Variants in TARBP1 observed in about 807,000 individuals in gnomAD.
TARBP1 encodes tRNA (guanosine(18)-2'-O)-methyltransferase TARBP1.
In TARBP1, 144 loss-of-function variants were observed where a neutral mutation model predicts 178.6. The observed-to-expected ratio is 0.81, with a 90% CI of 0.70 to 0.93. The LOEUF (loss-of-function observed/expected upper bound fraction) is 0.93, where lower values mean the gene tolerates loss of function less well. TARBP1 is among the 40% of genes least tolerant of loss of function. The pLI is 0.00. For synonymous variants in TARBP1, 787 were observed against 781.0 expected (o/e 1.01, Z -0.13); for missense variants, 2,067 against 2,011.7 (o/e 1.03, Z -0.53).
At chr1:234,444,623 A>G (rs1485913580) in intron 12 of TARBP1, among the ~76,000 whole-genome samples, 2 of 152,046 alleles carry the variant, frequency 1.3e-5, no homozygotes, top group African/African-American at 2.4e-5. Context: ...TCTTTCCCAG[A>G]CAGATGCTTA....
intron 24 of TARBP1, among the ~76,000 whole-genome samples, chr1:234,404,721 G>A (rs575632625): frequency 3.9e-5 from 6 of 152,204 alleles, no homozygotes; most frequent in South Asian, 2.1e-4. Flanking sequence ...ATCCATTCCC[G>A]CCTCTGCTCT....
At position 234,425,702 on chromosome 1, in the gene TARBP1, C is replaced by T. The variant is rs1238506923; in HGVS notation, c.3415G>A (p.Glu1139Lys). ...GSNMSHKLFI[E>K]DLAIKLLDKD... is the part of the protein sequence containing the mutation. The stretch of plus-strand genomic sequence containing the variant: ...TCTAATAGCTTGATTGCAAGATCCT[C>T]AATAAACAACTTGTGGGACATATTG... The change falls in exon 20 of 30, where the codon GAG becomes AAG. Residue 1139 changes from glutamate (E) to lysine (K), a missense_variant. Coordinates refer to ENST00000040877, the MANE Select transcript of TARBP1 (RefSeq NM_005646.4). 6.2e-7 allele frequency: 1 copy of T among 1,611,788 alleles called. No homozygotes were observed. The highest frequency in any genetic ancestry group is 1.1e-5 in the South Asian group (1 of 90,478).
chr1:234,425,157 G>A (rs1294414832), intron 20 of TARBP1, among the ~76,000 whole-genome samples: 19 of 152,018 alleles, frequency 1.2e-4, no homozygotes, highest in South Asian at 2.1e-4. Context: ...CCTGGGAGGC[G>A]GAGGTTGCAG....
At chr1:234,471,641 C>A (rs1428347372) in intron 2 of TARBP1, among the ~76,000 whole-genome samples, 1 of 152,208 alleles carries the variant, frequency 6.6e-6, no homozygotes, top group Non-Finnish European at 1.5e-5. Context: ...CTTAGAACGG[C>A]CAGTTCGGAG....
At chr1:234,474,876 G>C (rs1166371256) in intron 1 of TARBP1, among the ~76,000 whole-genome samples, 5 of 152,188 alleles carry the variant, frequency 3.3e-5, no homozygotes, top group Non-Finnish European at 7.3e-5. Context: ...CTAAACTGTT[G>C]TGCGGTGGGT....
chr1:234,405,904 C>G lies in TARBP1; in HGVS notation c.3988G>C (p.Gly1330Arg). The change falls in exon 24 of 30, where the codon GGG (glycine) becomes CGG (arginine). Residue 1330 changes from glycine to arginine, a missense_variant and splice_region_variant. Coordinates refer to ENST00000040877, the MANE Select transcript of TARBP1 (RefSeq NM_005646.4). ...ATGAGGTTGACGAGGGCTCCTTACC[C>G]TGCTCCGTGCATGCTTTCCACTTGA... ...LHQVESMHGA[G>R]NAKKNWQRIQ... is the part of the protein sequence containing the mutation. 1 of 1,613,404 alleles carries G rather than the reference C, an allele frequency of 6.2e-7. No individual in the cohort carries two copies. The highest frequency in any genetic ancestry group is 1.1e-5 in the South Asian group (1 of 90,952).
intron 23 of TARBP1, 169 bp downstream of exon 23, chr1:234,410,276 C>T: frequency 4.1e-6 from 2 of 487,114 alleles, no homozygotes; most frequent in Non-Finnish European, 7.5e-6. Flanking sequence ...ATGGGTAATT[C>T]CCATTTACTG....
intron 8 of TARBP1, 44 bp downstream of exon 8, chr1:234,459,186 A>C (rs1209339364): frequency 1.3e-6 from 2 of 1,496,688 alleles, no homozygotes; most frequent in Non-Finnish European, 1.8e-6. Context: ...ACACCCACTC[A>C]CTAAGAAAGA....
intron 22 of TARBP1, among the ~76,000 whole-genome samples, chr1:234,415,600 A>C (rs116418434): frequency 0.057 from 8,670 of 152,232 alleles, 303 homozygotes; most frequent in Middle Eastern, 0.099. Context: ...ACAAGAAGGC[A>C]CCTGACCCGG....
At chr1:234,432,559 T>C (rs1261847866) in intron 14 of TARBP1, among the ~76,000 whole-genome samples, 1 of 151,840 alleles carries the variant, frequency 6.6e-6, no homozygotes, top group Non-Finnish European at 1.5e-5. Flanking sequence ...GAGAGTGAGA[T>C]ACTAATCGAA....
rs1048241385 is a variant in TARBP1, at chr1:234,406,185, G to T, written c.3793-86C>A. 5.7e-6 allele frequency: 7 copies of T among 1,218,232 alleles called. No homozygotes were observed. In the African/African-American group the frequency reaches 6.0e-5, roughly 11 times the overall value. 75.5% of individuals were successfully genotyped at this position (1,218,232 alleles called of 1,614,324 possible). On this transcript the variant is annotated intron_variant, in intron 23 of 29. Transcript: ENST00000040877. ...TATGACACAAAAAAAGTACACGAAT[G>T]ATACAACTGCTCCTAGTAAAACTTC...
At chr1:234,472,992 C>T (rs1466856850) in intron 1 of TARBP1, among the ~76,000 whole-genome samples, 181 bp from the exon 2 acceptor site, 2 of 151,286 alleles carry the variant, frequency 1.3e-5, no homozygotes, top group Non-Finnish European at 2.9e-5. Context: ...TTTTTTTGCA[C>T]TAAGATTACT....
intron 23 of TARBP1, chr1:234,407,130 T>C (rs1015361651): frequency 2.6e-5 from 4 of 152,238 alleles, no homozygotes; most frequent in African/African-American, 9.6e-5. Context: ...AGGTGTGATG[T>C]TATGATATAC....
intron 22 of TARBP1, among the ~76,000 whole-genome samples, chr1:234,416,625 C>T (rs1048956102): frequency 3.3e-5 from 5 of 152,102 alleles, no homozygotes; most frequent in Admixed American, 2.0e-4. Flanking sequence ...AGTGGTGTGA[C>T]GACTCACTTA....
At chr1:234,431,641 A>C (rs1664440404) in intron 14 of TARBP1, among the ~76,000 whole-genome samples, 1 of 152,232 alleles carries the variant, frequency 6.6e-6, no homozygotes, top group Non-Finnish European at 1.5e-5. Context: ...TCTGCCAGGT[A>C]CAGTTCTAAA....
intron 22 of TARBP1, 120 bp downstream of exon 22, chr1:234,417,964 T>G (rs746382976): frequency 1.3e-4 from 67 of 515,328 alleles, no homozygotes; most frequent in Non-Finnish European, 2.1e-4. Context: ...ACATAACTTA[T>G]GATGTCAATA....
intron 19 of TARBP1, among the ~76,000 whole-genome samples, chr1:234,426,944 T>G (rs1342960786): frequency 6.6e-6 from 1 of 152,220 alleles, no homozygotes. Context: ...TGTTAAATGG[T>G]GAATTTTAAT....
At position 234,478,937 on chromosome 1, in the gene TARBP1, GC is replaced by G. The variant is rs1189558743; in HGVS notation, c.166del (p.Ala56ArgfsTer42). ...CACCTCGCGCGCCGCCTCCGGGAGC[GC>G]GCCTGCGCCCCCGCTGCCGCGCGCC... ...EEARGSGGAG[A>X]LPEAAREVAA... On this transcript the variant is annotated frameshift_variant, in exon 1 of 30. Coordinates refer to ENST00000040877, the MANE Select transcript of TARBP1 (RefSeq NM_005646.4). LOFTEE classifies it high-confidence loss of function. The G allele has an allele frequency of 6.9e-7, 1 of 1,441,378 alleles. No individual in the cohort carries two copies. Among genetic ancestry groups the G allele is most frequent in the Non-Finnish European group, 9.0e-7 (1 of 1,106,202 alleles). The allele number at this position is 1,441,378 out of a possible 1,614,324, so 89.3% of individuals were successfully genotyped here.
chr1:234,457,177 GC>G (rs1185668159), intron 9 of TARBP1, among the ~76,000 whole-genome samples: 1 of 152,192 alleles, frequency 6.6e-6, no homozygotes, highest in Non-Finnish European at 1.5e-5. Flanking sequence ...CTGAGCTAGA[GC>G]CACAGAGCGG....
Sources: allele counts gnomAD v4.1 joint callset (sites outside exome capture counted in the v4.1 genomes callset), GRCh38; gene constraint gnomAD v4.1.1; transcripts MANE v1.5; gene names NCBI Gene and HGNC (gene_info 2026-07-23, HGNC 2026-07-21).